Variants in MYO18B observed in about 807,000 individuals in gnomAD.
The protein encoded by MYO18B is myosin XVIIIB.
MYO18B carries 204 observed loss-of-function variants against 273.0 expected under a neutral mutation model. The ratio of observed to expected loss-of-function variants is 0.75; its 90% CI spans 0.67 to 0.84. The LOEUF is 0.84. MYO18B is among the 40% of genes least tolerant of loss of function. The pLI, the probability that MYO18B is intolerant of heterozygous loss-of-function variation, is 0.00. For missense variants in MYO18B, 3,212 were observed against 3,287.6 expected (o/e 0.98, Z 0.56); for synonymous variants, 1,330 against 1,305.7 (o/e 1.02, Z -0.40).
At chr22:26,043,574 G>T in the MYO18B span, among the ~76,000 whole-genome samples, 1 of 146,800 alleles carries the variant, frequency 6.8e-6, no homozygotes, top group Non-Finnish European at 1.5e-5. Context: ...GCAATGGTGC[G>T]ATCTCGGCTC....
At position 25,807,019 on chromosome 22, in the gene MYO18B, T is replaced by C. The variant is rs1285184198; in HGVS notation, c.2521+8922T>C. ...GGTATTCAGTAAGCAGTAACTCTCT[T>C]TTCTTTGCAAAGCATTTTGGTTGTC... On this transcript the variant is annotated intron_variant, in intron 12 of 43. Transcript: ENST00000335473. Among the ~76,000 whole-genome samples, 16 of 152,348 alleles carry C rather than the reference T, an allele frequency of 1.1e-4. No individual in the cohort carries two copies. The South Asian group carries it at 2.5e-3, about 24-fold the overall frequency.
intron 39 of MYO18B, 29 bp downstream of exon 39, chr22:25,955,393 A>G: frequency 6.3e-7 from 1 of 1,587,592 alleles, no homozygotes; most frequent in Admixed American, 1.7e-5. Flanking sequence ...ATGGGCTCTT[A>G]GCGACTGAGG....
At chr22:25,802,343 C>G (rs552043931) in intron 12 of MYO18B, among the ~76,000 whole-genome samples, 1 of 152,294 alleles carries the variant, frequency 6.6e-6, no homozygotes, top group African/African-American at 2.4e-5. Context: ...GTTGGAAGCT[C>G]TCTGAACCCC....
intron 34 of MYO18B, among the ~76,000 whole-genome samples, chr22:25,923,722 C>T (rs1264182510): frequency 6.6e-6 from 1 of 152,172 alleles, no homozygotes; most frequent in Non-Finnish European, 1.5e-5. Context: ...AGGGGCCAGG[C>T]ATTTTGAGTT....
intron 12 of MYO18B, among the ~76,000 whole-genome samples, chr22:25,820,253 T>C (rs1298981721): frequency 1.3e-5 from 2 of 151,936 alleles, no homozygotes; most frequent in East Asian, 3.9e-4. Context: ...TGCAGAGTAA[T>C]TGGCACATTA....
intron 17 of MYO18B, 62 bp from the exon 18 acceptor site, chr22:25,843,673 C>A: frequency 6.5e-7 from 1 of 1,540,388 alleles, no homozygotes. Context: ...TTAAGGGATG[C>A]CAGCTGATTG....
In MYO18B at chr22:25,876,237, C is replaced by G; in HGVS notation, c.4129C>G (p.Leu1377Val). 6.2e-7 allele frequency: 1 copy of G among 1,613,492 alleles called. No individual in the cohort carries two copies. Among genetic ancestry groups the G allele is most frequent in the Non-Finnish European group, 8.5e-7 (1 of 1,179,702 alleles). ...QCIQKNVAVF[L>V]AVKDWPWWQL... is the part of the protein sequence containing the mutation. ...CATCCAGAAGAATGTGGCTGTGTTC[C>G]TCGCAGTCAAGGACTGGCCATGGTG... Residue 1377 changes from leucine to valine, a missense_variant, in exon 24 of 44, where the codon CTC becomes GTC. Coordinates refer to ENST00000335473, the MANE Select transcript of MYO18B (RefSeq NM_032608.7).
chr22:25,899,614 G>T (rs751883229), intron 29 of MYO18B: 1 of 152,116 alleles, frequency 6.6e-6, no homozygotes. Context: ...GATTGTTAGC[G>T]TGCTCTGCAT....
At chr22:25,889,574 TCTG>T (rs1476536318) in intron 25 of MYO18B, among the ~76,000 whole-genome samples, 2 of 151,378 alleles carry the variant, frequency 1.3e-5, no homozygotes, top group Admixed American at 1.3e-4. Context: ...TTTTTACAAT[TCTG>T]CTGCCTTCCA....
Position 25,866,487 on chromosome 22 carries a change from C to G in MYO18B, c.3886-1833C>G, listed in dbSNP as rs73403749. The stretch of plus-strand genomic sequence containing the variant: ...TGCTTTTCCTCCCTATGGAATCTCT[C>G]TGGTTTGGGTGTTTATTCATTCAGT... On this transcript the variant is annotated intron_variant, in intron 21 of 43. Coordinates refer to ENST00000335473, the MANE Select transcript of MYO18B (RefSeq NM_032608.7). Among the ~76,000 whole-genome samples, 415 of 152,196 alleles carry G rather than the reference C, an allele frequency of 2.7e-3. 4 individuals are homozygous for G. Among genetic ancestry groups the G allele is most frequent in the African/African-American group, 9.7e-3 (403 of 41,540 alleles).
At chr22:25,753,885 T>C (rs1444289473) in intron 1 of MYO18B, among the ~76,000 whole-genome samples, 1 of 152,216 alleles carries the variant, frequency 6.6e-6, no homozygotes, top group Non-Finnish European at 1.5e-5. Context: ...TCCACGGCTT[T>C]ATTCTTGAAG....
chr22:25,884,668 A>C (rs2146241649), intron 25 of MYO18B: 1 of 152,298 alleles, frequency 6.6e-6, no homozygotes, highest in Non-Finnish European at 1.5e-5. Context: ...AACACAGATG[A>C]ATAATCTGGG....
At chr22:25,777,344 G>C (rs2086952710) in intron 7 of MYO18B, among the ~76,000 whole-genome samples, 1 of 152,206 alleles carries the variant, frequency 6.6e-6, no homozygotes, top group African/African-American at 2.4e-5. Context: ...TAACTAAAGA[G>C]GAGAACTAGG....
chr22:25,909,383 T>C (rs1252081291), intron 32 of MYO18B, among the ~76,000 whole-genome samples: 3 of 152,240 alleles, frequency 2.0e-5, no homozygotes, highest in Non-Finnish European at 2.9e-5. Flanking sequence ...GGGTTTTAGC[T>C]TTTCCAGTCT....
At chr22:25,953,766 T>C (rs2092818440) in intron 38 of MYO18B, 1 of 152,240 alleles carries the variant, frequency 6.6e-6, no homozygotes, top group Non-Finnish European at 1.5e-5. Context: ...AGAAAATGAA[T>C]GTGGGAAAAC....
At chr22:25,773,276 C>G (rs112726796) in intron 7 of MYO18B, among the ~76,000 whole-genome samples, 3,247 of 152,188 alleles carry the variant, frequency 0.021, 101 homozygotes, top group African/African-American at 0.073. Context: ...GAGCAACCCT[C>G]CCCTTGTGGA....
chr22:25,756,459 G>T (rs1227219927), intron 1 of MYO18B: 1 of 152,226 alleles, frequency 6.6e-6, no homozygotes, highest in Non-Finnish European at 1.5e-5. Context: ...GCTGATAGGC[G>T]TGGAATGGCC....
Position 25,910,795 on chromosome 22 carries a change from A to G in MYO18B, c.5260-151A>G, listed in dbSNP as rs2092141546. 11 of 630,702 alleles carry G rather than the reference A, an allele frequency of 1.7e-5. No individual in the cohort carries two copies. The South Asian group carries it at 2.1e-4, about 12-fold the overall frequency. The allele number at this position is 630,702 out of a possible 1,614,324, so 39.1% of individuals were successfully genotyped here. On this transcript the variant is annotated intron_variant, in intron 32 of 43. Coordinates refer to ENST00000335473, the MANE Select transcript of MYO18B (RefSeq NM_032608.7). ...AGCTTTTAGGCTCTTAAATTCTCCC[A>G]CAGAGACACTACCACCCAATCACTA...
chr22:25,797,713 G>A (rs943057073), intron 11 of MYO18B, among the ~76,000 whole-genome samples: 4 of 152,100 alleles, frequency 2.6e-5, no homozygotes, highest in Non-Finnish European at 4.4e-5. Flanking sequence ...TCTGTAATGC[G>A]TGCACACATG....
Sources: allele counts gnomAD v4.1 joint callset (sites outside exome capture counted in the v4.1 genomes callset), GRCh38; gene constraint gnomAD v4.1.1; transcripts MANE v1.5; gene names NCBI Gene and HGNC (gene_info 2026-07-23, HGNC 2026-07-21).